ALDH3A2: variants seen among roughly 807,000 people sequenced by gnomAD.
The protein encoded by ALDH3A2 is aldehyde dehydrogenase 3 family member A2.
In ALDH3A2, 36 loss-of-function variants were observed where a neutral mutation model predicts 51.3. The observed-to-expected ratio is 0.70, with a 90% CI of 0.54 to 0.93. The LOEUF (loss-of-function observed/expected upper bound fraction) is 0.93, where lower values mean the gene tolerates loss of function less well. ALDH3A2 is among the 40% of genes least tolerant of loss of function. The pLI is 0.00. For missense variants in ALDH3A2, 552 were observed against 603.1 expected (o/e 0.92, Z 0.89); for synonymous variants, 199 against 219.8 (o/e 0.91, Z 0.84).
intron 9 of ALDH3A2, chr17:19,673,228 GA>G (rs1290661618): frequency 1.1e-5 from 17 of 1,614,074 alleles, no homozygotes; most frequent in Non-Finnish European, 1.4e-5. Context: ...CCAGTAAGCA[GA>G]GATGAACACC....
In ALDH3A2 at chr17:19,649,024, G is replaced by T. The variant is rs1362889944; in HGVS notation, c.53G>T (p.Arg18Leu). 2 of 1,582,156 alleles carry T rather than the reference G, an allele frequency of 1.3e-6. No homozygotes were observed. Among genetic ancestry groups the T allele is most frequent in the South Asian group, 1.2e-5 (1 of 86,714 alleles). Residue 18 changes from arginine (R) to leucine (L), a missense_variant, in exon 1 of 10, where the codon CGA becomes CTA. Physicochemically the swap from Arg to Leu is moderately radical, Grantham distance 102. Transcript: ENST00000176643. Reference sequence around the variant, plus strand: ...CAGGCGTTCCTGTCCGGCCGGTCGCGACCTCTGCGGTTTCGGCTGCAGCAG... The same window carrying T: ...CAGGCGTTCCTGTCCGGCCGGTCGCTACCTCTGCGGTTTCGGCTGCAGCAG... Reference protein sequence around the residue: ...VRQAFLSGRSRPLRFRLQQLE... With the variant: ...VRQAFLSGRSLPLRFRLQQLE...
Position 19,664,948 on chromosome 17 carries a change from C to T in ALDH3A2, c.1108C>T (p.Leu370Phe). ...CTGGACACCTTTGGTCTGTCCTCAGCTCATCAAACGGATGATTGATGAGAC... is the reference window on the plus strand; with the variant it reads ...CTGGACACCTTTGGTCTGTCCTCAGTTCATCAAACGGATGATTGATGAGAC... Reference protein sequence around the residue: ...ALYVFSHNHKLIKRMIDETSS... With the variant: ...ALYVFSHNHKFIKRMIDETSS... Residue 370 changes from leucine to phenylalanine, a missense_variant and splice_region_variant, in exon 8 of 10, where the codon CTC becomes TTC. Leu to Phe is a conservative substitution (Grantham distance 22). Coordinates refer to ENST00000176643, the MANE Select transcript of ALDH3A2 (RefSeq NM_000382.3). 2.5e-6 allele frequency: 4 copies of T among 1,613,012 alleles called. No individual in the cohort carries two copies.
At chr17:19,661,041 A>T in intron 5 of ALDH3A2, 86 bp from the exon 6 acceptor site, 3 of 1,334,144 alleles carry the variant, frequency 2.2e-6, no homozygotes, top group Non-Finnish European at 2.1e-6. Flanking sequence ...AACCAGATTG[A>T]TTTTGGGGCA....
intron 2 of ALDH3A2, among the ~76,000 whole-genome samples, chr17:19,652,316 T>G (rs183445247): frequency 9.9e-5 from 15 of 151,266 alleles, no homozygotes; most frequent in Non-Finnish European, 1.8e-4. Context: ...GCTGGAGGAG[T>G]GGGAAAGGCT....
At chr17:19,660,530 T>C (rs186002078) in intron 5 of ALDH3A2, among the ~76,000 whole-genome samples, 1 of 152,382 alleles carries the variant, frequency 6.6e-6, no homozygotes, top group East Asian at 1.9e-4. Context: ...GTATGATTAT[T>C]GACGTTCTTT....
intron 8 of ALDH3A2, among the ~76,000 whole-genome samples, chr17:19,670,125 G>A (rs949183927): frequency 3.9e-5 from 6 of 152,052 alleles, no homozygotes; most frequent in African/African-American, 1.4e-4. Context: ...TTTCTTGCTT[G>A]TTCTTATCTA....
intron 4 of ALDH3A2, 136 bp from the exon 5 acceptor site, chr17:19,657,609 T>C (rs2084913633): frequency 4.1e-6 from 3 of 740,666 alleles, no homozygotes; most frequent in Admixed American, 2.2e-5. Context: ...AATGAGTTTT[T>C]AACTTTTTTA....
At chr17:19,655,985 A>G (rs2084889806) in intron 3 of ALDH3A2, among the ~76,000 whole-genome samples, 1 of 152,254 alleles carries the variant, frequency 6.6e-6, no homozygotes, top group Non-Finnish European at 1.5e-5. Context: ...GAGACAGAGA[A>G]CATTCAGACT....
intron 9 of ALDH3A2, chr17:19,675,214 G>A (rs2085171135): frequency 3.9e-6 from 1 of 256,962 alleles, no homozygotes; most frequent in Non-Finnish European, 7.3e-6. Flanking sequence ...TCCATGTAGA[G>A]ACTTCAGCTT....
intron 3 of ALDH3A2, chr17:19,656,149 C>T: frequency 1.7e-6 from 1 of 577,160 alleles, no homozygotes; most frequent in Non-Finnish European, 3.1e-6. Context: ...CTGGAGTCTC[C>T]AGATTAGTTC....
In ALDH3A2 at chr17:19,675,679, G is replaced by T; in HGVS notation, c.*107G>T. 8.0e-7 allele frequency: 1 copy of T among 1,246,036 alleles called. No individual in the cohort carries two copies. The highest frequency in any genetic ancestry group is 1.2e-5 in the South Asian group (1 of 82,794). 77.2% of individuals were successfully genotyped at this position (1,246,036 alleles called of 1,614,324 possible). A position where few individuals can be genotyped will look rare whatever the true frequency, so the allele number is the denominator to read the frequency against. ...CATACCAAAAATAGTAAGAAAATAT[G>T]CAAACACTCTGTGATCAAACTTAAA... On this transcript the variant is annotated 3_prime_UTR_variant, in exon 10 of 10. Coordinates refer to ENST00000176643, the MANE Select transcript of ALDH3A2 (RefSeq NM_000382.3).
At chr17:19,661,961 C>T (rs1297355808) in intron 6 of ALDH3A2, 7 of 151,670 alleles carry the variant, frequency 4.6e-5, no homozygotes, top group Non-Finnish European at 1.0e-4. Flanking sequence ...TTCTCCTGAG[C>T]TAGATAATTC....
intron 5 of ALDH3A2, among the ~76,000 whole-genome samples, chr17:19,658,615 T>C (rs2084928031): frequency 6.6e-6 from 1 of 151,950 alleles, no homozygotes; most frequent in African/African-American, 2.4e-5. Flanking sequence ...TAATTCCAGC[T>C]ACTCAGGAGG....
intron 1 of ALDH3A2, 188 bp downstream of exon 1, chr17:19,649,312 G>T: frequency 1.4e-6 from 1 of 703,594 alleles, no homozygotes; most frequent in East Asian, 2.8e-5. Context: ...ACTCAGAAGG[G>T]CATATGTTAC....
At chr17:19,650,523 G>C (rs2084801296) in intron 1 of ALDH3A2, among the ~76,000 whole-genome samples, 2 of 151,762 alleles carry the variant, frequency 1.3e-5, no homozygotes, top group African/African-American at 4.8e-5. Context: ...GTGCTCTTTT[G>C]GCTCACTGCA....
chr17:19,669,719 C>T (rs2085086483), intron 8 of ALDH3A2, among the ~76,000 whole-genome samples: 1 of 152,138 alleles, frequency 6.6e-6, no homozygotes, highest in Admixed American at 6.5e-5. Context: ...ATTGCAGCCT[C>T]AACCTCTTAG....
At position 19,649,456 on chromosome 17, in the gene ALDH3A2, T is replaced by G. The variant is rs1371256387; in HGVS notation, c.153+332T>G. 1.0e-4 allele frequency: 27 copies of G among 258,390 alleles called. No homozygotes were observed. The East Asian group carries it at 2.1e-3, about 20-fold the overall frequency. 16.0% of individuals were successfully genotyped at this position (258,390 alleles called of 1,614,324 possible). A position where few individuals can be genotyped will look rare whatever the true frequency, so the allele number is the denominator to read the frequency against. On this transcript the variant is annotated intron_variant, in intron 1 of 9. Transcript: ENST00000176643. ...TAAGTAATTTGTCAGTTTACTGTATTGTGGATACTTTCTTTGGGTTTCTTT... is the reference window on the plus strand; with the variant it reads ...TAAGTAATTTGTCAGTTTACTGTATGGTGGATACTTTCTTTGGGTTTCTTT...
At chr17:19,666,272 A>C (rs11652177) in intron 8 of ALDH3A2, among the ~76,000 whole-genome samples, 1 of 152,160 alleles carries the variant, frequency 6.6e-6, no homozygotes, top group Admixed American at 6.5e-5. Flanking sequence ...TTTGTAGCCC[A>C]AATGCTTAAA....
At position 19,677,056 on chromosome 17, in the gene ALDH3A2, A is replaced by G. The variant is rs1239865929; in HGVS notation, c.*1484A>G. ...GTCGTTCATGGTCACAACCTGAGGT[A>G]CTCTGCTGAGTGGGCAAGGCTGAAG... is the stretch of plus-strand genomic sequence containing the variant. On this transcript the variant is annotated 3_prime_UTR_variant, in exon 10 of 10. Coordinates refer to ENST00000176643, the MANE Select transcript of ALDH3A2 (RefSeq NM_000382.3). 1.3e-5 allele frequency: 2 copies of G among 152,268 alleles called. No homozygotes were observed. The highest frequency in any genetic ancestry group is 2.9e-5 in the Non-Finnish European group (2 of 68,096). 9.4% of individuals were successfully genotyped at this position (152,268 alleles called of 1,614,324 possible).
Sources: allele counts gnomAD v4.1 joint callset (sites outside exome capture counted in the v4.1 genomes callset), GRCh38; gene constraint gnomAD v4.1.1; transcripts MANE v1.5; gene names NCBI Gene and HGNC (gene_info 2026-07-23, HGNC 2026-07-21).